The following PTPN14 variants were observed in gnomAD, a reference collection of about 807,000 sequenced individuals.
PTPN14 encodes the protein tyrosine-protein phosphatase non-receptor type 14.
Under a neutral mutation model 126.8 loss-of-function variants are expected in PTPN14, and 53 were observed. The observed-to-expected ratio is 0.42, with a 90% CI of 0.34 to 0.53. The LOEUF is 0.53. Ranked by LOEUF, PTPN14 falls within the 20% of genes least tolerant of loss-of-function variation. PTPN14 has a pLI of 0.08. For missense variants in PTPN14, 1,257 were observed against 1,552.9 expected, an observed-to-expected ratio of 0.81 and a Z score of 3.20; for synonymous variants, 630 against 599.3, an observed-to-expected ratio of 1.05 and a Z score of -0.75.
chr1:214,472,783 C>G (rs74139889), intron 1 of PTPN14, among the ~76,000 whole-genome samples: 13,786 of 152,228 alleles, frequency 0.091, 637 homozygotes, highest in South Asian at 0.12. Flanking sequence ...TTCCCACCAC[C>G]CAAGTTTTCC....
chr1:214,511,065 T>A (rs63699761), intron 1 of PTPN14, among the ~76,000 whole-genome samples: 3 of 148,700 alleles, frequency 2.0e-5, no homozygotes, highest in East Asian at 2.0e-4. Flanking sequence ...TTTTTTTTTT[T>A]ATTTTTAAAA....
chr1:214,380,729 T>C (rs1284845711), intron 13 of PTPN14, among the ~76,000 whole-genome samples: 4 of 152,216 alleles, frequency 2.6e-5, no homozygotes, highest in Non-Finnish European at 5.9e-5. Flanking sequence ...TGAATTCCCA[T>C]CAAGCTGGCA....
intron 1 of PTPN14, among the ~76,000 whole-genome samples, chr1:214,538,237 G>A (rs1191692447): frequency 2.0e-5 from 3 of 152,194 alleles, no homozygotes; most frequent in South Asian, 2.1e-4. Context: ...ACATGTACTT[G>A]ACCTACACAG....
intron 1 of PTPN14, among the ~76,000 whole-genome samples, chr1:214,473,743 G>A (rs1660810156): frequency 6.6e-6 from 1 of 152,150 alleles, no homozygotes; most frequent in Non-Finnish European, 1.5e-5. Context: ...GAGGGGATGG[G>A]AAATAAAAGA....
intron 1 of PTPN14, among the ~76,000 whole-genome samples, chr1:214,525,931 A>G (rs2102463006): frequency 6.6e-6 from 1 of 151,536 alleles, no homozygotes; most frequent in Non-Finnish European, 1.5e-5. Context: ...TACATGGCCT[A>G]AGGGACTCTC....
At chr1:214,524,119 G>C (rs2102460909) in intron 1 of PTPN14, among the ~76,000 whole-genome samples, 1 of 151,920 alleles carries the variant, frequency 6.6e-6, no homozygotes, top group South Asian at 2.1e-4. Context: ...CAAAGTGCTG[G>C]GATTACAGGC....
At chr1:214,394,612 T>A (rs905802717) in intron 9 of PTPN14, among the ~76,000 whole-genome samples, 1 of 152,164 alleles carries the variant, frequency 6.6e-6, no homozygotes, top group Non-Finnish European at 1.5e-5. Flanking sequence ...TTCGCCATAT[T>A]GGCCAGGCTG....
rs1427044039 is a variant in PTPN14, at chr1:214,386,942, G to A, written c.988-20C>T. The A allele has an allele frequency of 6.4e-7, 1 of 1,559,316 alleles. No homozygotes were observed. The highest frequency in any genetic ancestry group is 1.1e-5 in the South Asian group (1 of 88,686). The stretch of plus-strand genomic sequence containing the variant: ...CCTGGGCTGAAACAGAGAACACAGA[G>A]GAGGTGGGGAGGCCTGGGCAGACAC... On this transcript the variant is annotated intron_variant, in intron 11 of 18. Transcript: ENST00000366956.
intron 1 of PTPN14, among the ~76,000 whole-genome samples, chr1:214,515,342 G>T (rs959301051): frequency 1.3e-5 from 2 of 151,776 alleles, no homozygotes; most frequent in Admixed American, 1.3e-4. Context: ...CTATCTTCCT[G>T]CCAGCACCAC....
chr1:214,531,499 A>ACACACACACACACACACACACACACACAC (rs1655545929), intron 1 of PTPN14: 1 of 129,556 alleles, frequency 7.7e-6, no homozygotes, highest in African/African-American at 3.0e-5. Context: ...AACCCAGCCT[A>ACACACACACACACACACACACACACACAC]ACACACACAC....
At chr1:214,513,167 G>A in intron 1 of PTPN14, among the ~76,000 whole-genome samples, 1 of 152,126 alleles carries the variant, frequency 6.6e-6, no homozygotes, top group East Asian at 1.9e-4. Flanking sequence ...AAGATAGTTG[G>A]GGGAAGCAGT....
At chr1:214,524,740 T>C (rs952361209) in intron 1 of PTPN14, among the ~76,000 whole-genome samples, 3 of 152,144 alleles carry the variant, frequency 2.0e-5, no homozygotes, top group African/African-American at 7.2e-5. Context: ...GTGAAATTTA[T>C]TTTTTCAGAC....
chr1:214,484,878 T>C (rs1010457751), intron 1 of PTPN14, among the ~76,000 whole-genome samples: 1 of 152,120 alleles, frequency 6.6e-6, no homozygotes, highest in Non-Finnish European at 1.5e-5. Flanking sequence ...GGTTGGACAA[T>C]GTGGAAAGTT....
At chr1:214,392,255 T>C (rs1658773093) in intron 10 of PTPN14, among the ~76,000 whole-genome samples, 1 of 151,972 alleles carries the variant, frequency 6.6e-6, no homozygotes. Context: ...TTTAATCAGG[T>C]AAGAGGTTAG....
intron 1 of PTPN14, among the ~76,000 whole-genome samples, chr1:214,472,059 G>A (rs1262286847): frequency 3.3e-5 from 5 of 152,162 alleles, no homozygotes; most frequent in Admixed American, 1.3e-4. Context: ...CTGTGTGGGC[G>A]TCAGCTTTGT....
rs561501442 is a variant in PTPN14 at position 214,507,916 on chromosome 1, G to A, written c.-154-42959C>T. 1.1e-4 allele frequency among the ~76,000 whole-genome samples: 17 copies of A among 152,238 alleles called. No individual in the cohort carries two copies. The East Asian group carries it at 3.1e-3, about 28-fold the overall frequency. On this transcript the variant is annotated intron_variant, in intron 1 of 18. Coordinates refer to ENST00000366956, the MANE Select transcript of PTPN14 (RefSeq NM_005401.5). Reference sequence around the variant, plus strand: ...GGATCCATTGAGCCCAGAAGTTCCAGGCTGCAGTGAGCTATGATTGAACCT... The same window carrying A: ...GGATCCATTGAGCCCAGAAGTTCCAAGCTGCAGTGAGCTATGATTGAACCT...
Position 214,357,855 on chromosome 1 carries a change from G to A in PTPN14, c.*67C>T, listed in dbSNP as rs1424348865. On this transcript the variant is annotated 3_prime_UTR_variant, in exon 19 of 19. Coordinates refer to ENST00000366956, the MANE Select transcript of PTPN14 (RefSeq NM_005401.5). ...CACCCCTGTGGGGGGAGCAGATGTT[G>A]TCTGGAGGTGACTCTCCTCCAGCGC... The A allele has an allele frequency of 2.0e-6, 3 of 1,480,560 alleles. No homozygotes were observed. The highest frequency in any genetic ancestry group is 2.8e-5 in the African/African-American group (2 of 72,244). The allele number at this position is 1,480,560 out of a possible 1,614,324, so 91.7% of individuals were successfully genotyped here.
At chr1:214,548,750 T>C (rs547999598) in intron 1 of PTPN14, among the ~76,000 whole-genome samples, 1 of 152,304 alleles carries the variant, frequency 6.6e-6, no homozygotes, top group South Asian at 2.1e-4. Context: ...AAAATCCTCA[T>C]AGTTCTTGAC....
chr1:214,375,658 CAA>C (rs1487556241), intron 15 of PTPN14, among the ~76,000 whole-genome samples: 1 of 152,172 alleles, frequency 6.6e-6, no homozygotes, highest in East Asian at 1.9e-4. Context: ...TTTAGTAACA[CAA>C]ATTCATTGAC....
Sources: allele counts gnomAD v4.1 joint callset (sites outside exome capture counted in the v4.1 genomes callset), GRCh38; gene constraint gnomAD v4.1.1; transcripts MANE v1.5; gene names NCBI Gene and HGNC (gene_info 2026-07-23, HGNC 2026-07-21).